The following PDE11A variants were observed in gnomAD, a reference collection of about 807,000 sequenced individuals.
PDE11A encodes the protein phosphodiesterase 11A, also known as dual 3',5'-cyclic-AMP and -GMP phosphodiesterase 11A.
PDE11A carries 100 observed loss-of-function variants against 100.5 expected under a neutral mutation model. The observed-to-expected ratio is 1.00, with a 90% confidence interval of 0.85 to 1.18. The LOEUF (loss-of-function observed/expected upper bound fraction) is 1.18, where lower values mean the gene tolerates loss of function less well. Ranked by LOEUF, PDE11A falls within the 50% of genes most tolerant of loss-of-function variation. The pLI is 0.00. For missense variants in PDE11A, 1,141 were observed against 1,152.6 expected, an observed-to-expected ratio of 0.99 and a Z score of 0.15; for synonymous variants, 381 against 420.8, an observed-to-expected ratio of 0.91 and a Z score of 1.16.
rs376536578 is a variant in PDE11A at position 177,857,164 on chromosome 2, G to C, written c.1368-16781C>G. On this transcript the variant is annotated intron_variant, in intron 5 of 19. Transcript: ENST00000286063. Reference sequence around the variant, plus strand: ...GAAAAATATATCCACAGTACCAAAAGGAAAAGACTATGAACCAAGAATTCT... The same window carrying C: ...GAAAAATATATCCACAGTACCAAAACGAAAAGACTATGAACCAAGAATTCT... 6.6e-5 allele frequency among the ~76,000 whole-genome samples: 10 copies of C among 151,812 alleles called. No individual in the cohort carries two copies. The South Asian group carries it at 2.1e-3, about 32-fold the overall frequency.
intron 7 of PDE11A, 100 bp downstream of exon 7, chr2:177,820,120 G>T: frequency 1.4e-6 from 1 of 720,256 alleles, no homozygotes; most frequent in Non-Finnish European, 2.6e-6. Context: ...ATGAGTCCTG[G>T]CCATAAAAAG....
At chr2:178,091,705 C>T (rs2087425180) in intron 2 of PDE11A, among the ~76,000 whole-genome samples, 1 of 152,150 alleles carries the variant, frequency 6.6e-6, no homozygotes, top group East Asian at 1.9e-4. Context: ...CTACACAAAG[C>T]CACTGTTCCC....
upstream of PDE11A, among the ~76,000 whole-genome samples, chr2:178,077,189 C>A (rs1484873942): frequency 6.6e-6 from 1 of 151,874 alleles, no homozygotes; most frequent in Non-Finnish European, 1.5e-5. Flanking sequence ...CTGGGAGCCA[C>A]TCATCCAACA....
chr2:177,780,120 T>C (rs1247230817), intron 9 of PDE11A, among the ~76,000 whole-genome samples: 2 of 152,222 alleles, frequency 1.3e-5, no homozygotes, highest in Non-Finnish European at 2.9e-5. Context: ...AAAGGAATCT[T>C]TTTGTCTGAG....
At chr2:177,881,341 G>GTCTATCTATCTA (rs56769555) in intron 4 of PDE11A, among the ~76,000 whole-genome samples, 2,024 of 147,608 alleles carry the variant, frequency 0.014, 12 homozygotes, top group East Asian at 0.019. Context: ...TCATCTATCT[G>GTCTATCTATCTA]TCTATCTATC....
chr2:177,893,617 G>A (rs138853098), intron 4 of PDE11A, among the ~76,000 whole-genome samples: 22 of 152,126 alleles, frequency 1.4e-4, no homozygotes, highest in African/African-American at 5.3e-4. Flanking sequence ...TGAAATTTTT[G>A]TTTTATGTTA....
intron 12 of PDE11A, among the ~76,000 whole-genome samples, chr2:177,719,699 C>T (rs10166758): frequency 0.95 from 144,226 of 152,198 alleles, 68,479 homozygotes; most frequent in East Asian, 1. Flanking sequence ...GCAGTATTTA[C>T]AGAAGAAGCA....
chr2:177,839,140 G>A (rs1443041883), intron 6 of PDE11A, among the ~76,000 whole-genome samples: 1 of 152,184 alleles, frequency 6.6e-6, no homozygotes, highest in Non-Finnish European at 1.5e-5. Context: ...GACTGAAGTT[G>A]TAAATTAGAC....
intron 2 of PDE11A, among the ~76,000 whole-genome samples, chr2:177,951,874 A>G (rs540095932): frequency 1.4e-4 from 22 of 152,208 alleles, no homozygotes; most frequent in Admixed American, 3.3e-4. Flanking sequence ...TTTTCTTTGC[A>G]AACATTCTTA....
chr2:177,850,496 C>T (rs1200504829), intron 5 of PDE11A, among the ~76,000 whole-genome samples: 1 of 152,216 alleles, frequency 6.6e-6, no homozygotes, highest in African/African-American at 2.4e-5. Context: ...ATGTCTAAAA[C>T]ACCAAAAGCA....
In PDE11A at chr2:177,696,481, G is replaced by A. The variant is rs1237280342; in HGVS notation, c.2345+851C>T. Among the ~76,000 whole-genome samples, 4 of 152,266 alleles carry A rather than the reference G, an allele frequency of 2.6e-5. No homozygotes were observed. In the South Asian group the frequency reaches 8.3e-4, roughly 32 times the overall value. On this transcript the variant is annotated intron_variant, in intron 15 of 19. Coordinates refer to ENST00000286063, the MANE Select transcript of PDE11A (RefSeq NM_016953.4). ...ACCTTCAGATATCTCAGAGAAGATG[G>A]AAACTATCAAAAATGAGTACAGGCC...
At chr2:177,846,225 T>C (rs2083600070) in intron 5 of PDE11A, among the ~76,000 whole-genome samples, 1 of 152,210 alleles carries the variant, frequency 6.6e-6, no homozygotes, top group Non-Finnish European at 1.5e-5. Flanking sequence ...TCCCCTTTGC[T>C]GATTTCTAGC....
chr2:177,690,184 A>G (rs1378779493), intron 15 of PDE11A, among the ~76,000 whole-genome samples: 1 of 147,272 alleles, frequency 6.8e-6, no homozygotes, highest in Non-Finnish European at 1.5e-5. Flanking sequence ...AGAATTACCA[A>G]AATATTTCCT....
intron 2 of PDE11A, among the ~76,000 whole-genome samples, chr2:177,946,900 C>T (rs1180417716): frequency 2.4e-3 from 161 of 67,882 alleles, no homozygotes; most frequent in Non-Finnish European, 3.3e-3. Flanking sequence ...CTCTGCCCGG[C>T]CGCCCCTACT....
chr2:178,040,406 T>C (rs2086669147), intron 1 of PDE11A, among the ~76,000 whole-genome samples: 1 of 152,218 alleles, frequency 6.6e-6, no homozygotes, highest in Admixed American at 6.5e-5. Context: ...CAGTTTATTC[T>C]TCTTTATGCT....
At chr2:177,830,960 G>T (rs1553479841) in intron 6 of PDE11A, among the ~76,000 whole-genome samples, 1 of 152,144 alleles carries the variant, frequency 6.6e-6, no homozygotes, top group African/African-American at 2.4e-5. Context: ...CACAAATGTA[G>T]TTCTAGCTCT....
chr2:178,012,430 T>C (rs2086283764), intron 2 of PDE11A, among the ~76,000 whole-genome samples: 1 of 152,214 alleles, frequency 6.6e-6, no homozygotes, highest in Admixed American at 6.5e-5. Flanking sequence ...GTATTTCTCA[T>C]TGATGATCTT....
intron 4 of PDE11A, among the ~76,000 whole-genome samples, chr2:177,891,389 C>T (rs182218980): frequency 1.3e-4 from 20 of 152,256 alleles, no homozygotes; most frequent in African/African-American, 4.6e-4. Context: ...TTTTCTAATG[C>T]CCATACTCAC....
At chr2:177,825,534 T>C (rs568950249) in intron 6 of PDE11A, among the ~76,000 whole-genome samples, 2 of 152,212 alleles carry the variant, frequency 1.3e-5, no homozygotes, top group African/African-American at 2.4e-5. Context: ...GGTTAGTTCA[T>C]GTAACCATAT....
Sources: gnomAD v4.1 joint callset for allele counts (sites outside exome capture counted in the v4.1 genomes callset) on GRCh38, gnomAD v4.1.1 for gene constraint, MANE v1.5 for transcripts, NCBI Gene and HGNC (gene_info 2026-07-23, HGNC 2026-07-21) for gene names.